Variants in XIRP2 observed in about 807,000 individuals in gnomAD.
The protein encoded by XIRP2 is xin actin-binding repeat-containing protein 2.
In XIRP2, 236 loss-of-function variants were observed where a neutral mutation model predicts 277.0. The ratio of observed to expected loss-of-function variants is 0.85; its 90% CI spans 0.77 to 0.95. XIRP2 has a LOEUF of 0.95. Among genes scored for constraint, XIRP2 ranks in the 40% least tolerant of loss-of-function variants. The probability of loss-of-function intolerance (pLI) is 0.00; values close to 1 mark genes in which losing one functional copy is unlikely to be tolerated. For missense variants in XIRP2, 4,640 were observed against 4,157.5 expected (o/e 1.12, Z -3.19); for synonymous variants, 1,490 against 1,416.5 (o/e 1.05, Z -1.17).
chr2:166,920,918 T>G (rs181682563), intron 2 of XIRP2, among the ~76,000 whole-genome samples: 1 of 152,190 alleles, frequency 6.6e-6, no homozygotes, highest in African/African-American at 2.4e-5. Context: ...ACTCTTGGAG[T>G]AAGCTAGTTT....
At chr2:166,971,453 A>G (rs1055810028) in intron 2 of XIRP2, among the ~76,000 whole-genome samples, 8 of 152,072 alleles carry the variant, frequency 5.3e-5, no homozygotes, top group African/African-American at 1.9e-4. Flanking sequence ...AAGCTCAAAT[A>G]TTTTGATTCA....
chr2:167,055,540 G>A (rs1689018312), intron 2 of XIRP2, among the ~76,000 whole-genome samples: 2 of 152,144 alleles, frequency 1.3e-5, no homozygotes, highest in African/African-American at 4.8e-5. Context: ...ACTTGCTGGA[G>A]ATTATCAGAT....
chr2:166,949,093 A>G (rs1214870473), intron 2 of XIRP2, among the ~76,000 whole-genome samples: 1 of 152,014 alleles, frequency 6.6e-6, no homozygotes, highest in Non-Finnish European at 1.5e-5. Context: ...TATGTACTCC[A>G]AGAGAGTCAA....
intron 2 of XIRP2, among the ~76,000 whole-genome samples, chr2:166,911,391 G>T (rs529745500): frequency 4.9e-4 from 74 of 152,260 alleles, no homozygotes; most frequent in African/African-American, 1.7e-3. Flanking sequence ...TTTGAGCTTT[G>T]TTGGTTTAAA....
intron 2 of XIRP2, among the ~76,000 whole-genome samples, chr2:167,056,439 A>T (rs529002210): frequency 2.6e-5 from 4 of 152,256 alleles, no homozygotes; most frequent in African/African-American, 9.6e-5. Flanking sequence ...GTTTAAATTG[A>T]TTGCACGAGA....
chr2:167,013,590 G>T (rs889054545), intron 2 of XIRP2, among the ~76,000 whole-genome samples: 1 of 151,234 alleles, frequency 6.6e-6, no homozygotes, highest in Non-Finnish European at 1.5e-5. Flanking sequence ...ATAATATAAA[G>T]ACTATATATA....
intron 2 of XIRP2, among the ~76,000 whole-genome samples, chr2:166,973,827 G>A (rs1319520862): frequency 6.6e-6 from 1 of 152,136 alleles, no homozygotes; most frequent in African/African-American, 2.4e-5. Context: ...TCTTGAAAAT[G>A]TATTTCTACA....
intron 2 of XIRP2, among the ~76,000 whole-genome samples, chr2:167,007,337 T>C (rs1218401843): frequency 6.6e-6 from 1 of 151,660 alleles, no homozygotes; most frequent in African/African-American, 2.4e-5. Context: ...CAATACATTT[T>C]TTAAATCACT....
Position 167,259,161 on chromosome 2 carries a change from A to T in XIRP2, c.*1344A>T. 1 of 1,613,238 alleles carries T rather than the reference A, an allele frequency of 6.2e-7. No individual in the cohort carries two copies. The highest frequency in any genetic ancestry group is 8.5e-7 in the Non-Finnish European group (1 of 1,179,616). On this transcript the variant is annotated 3_prime_UTR_variant, in exon 11 of 11. Transcript: ENST00000409195. ...CAAATTAAAAATATGCCATGCTTGG[A>T]TTTAAGGGAATTTGGAAAGGATGTT...
At chr2:167,174,927 A>G (rs111734597) in intron 3 of XIRP2, among the ~76,000 whole-genome samples, 15,037 of 152,092 alleles carry the variant, frequency 0.099, 799 homozygotes, top group South Asian at 0.15. Context: ...GTTCTAATTT[A>G]ATTGCACTGT....
chr2:167,090,055 C>A lies in XIRP2; in HGVS notation c.409-45854C>A, dbSNP rs976033278. Among the ~76,000 whole-genome samples, 35 of 152,050 alleles carry A rather than the reference C, an allele frequency of 2.3e-4. 1 individual carries two copies. The highest frequency in any genetic ancestry group is 8.2e-4 in the African/African-American group (34 of 41,448). On this transcript the variant is annotated intron_variant, in intron 2 of 10. Coordinates refer to ENST00000409195, the MANE Select transcript of XIRP2 (RefSeq NM_152381.6). Reference sequence around the variant, plus strand: ...TGTATTCTATAAATCAGATCAAATGCCAACTCAGTGAAGAGGGAAAATTAT... The same window carrying A: ...TGTATTCTATAAATCAGATCAAATGACAACTCAGTGAAGAGGGAAAATTAT...
chr2:167,036,436 T>A (rs1043947962), intron 2 of XIRP2, among the ~76,000 whole-genome samples: 2 of 152,182 alleles, frequency 1.3e-5, no homozygotes, highest in Non-Finnish European at 2.9e-5. Context: ...ACTGCCTCAC[T>A]GGATTTCAGA....
At chr2:167,059,152 G>C (rs1410725714) in intron 2 of XIRP2, among the ~76,000 whole-genome samples, 1 of 139,084 alleles carries the variant, frequency 7.2e-6, no homozygotes, top group African/African-American at 2.8e-5. Context: ...TGTCACCCAG[G>C]CTGGAGTGCA....
chr2:167,163,875 C>T (rs1462753206), intron 3 of XIRP2, among the ~76,000 whole-genome samples: 1 of 152,112 alleles, frequency 6.6e-6, no homozygotes, highest in Non-Finnish European at 1.5e-5. Context: ...GTGTGGATGA[C>T]CACTTGTTCC....
chr2:166,927,915 CGT>C (rs1685233394), intron 2 of XIRP2, among the ~76,000 whole-genome samples: 1 of 152,008 alleles, frequency 6.6e-6, no homozygotes. Context: ...TGGCCCATAG[CGT>C]TCATCTAGCT....
At chr2:166,904,267 T>G (rs914319345) in intron 2 of XIRP2, among the ~76,000 whole-genome samples, 2 of 152,124 alleles carry the variant, frequency 1.3e-5, no homozygotes, top group Non-Finnish European at 2.9e-5. Context: ...TCCATGAGGA[T>G]TTATCAGTAA....
In XIRP2 at chr2:167,249,806, G is replaced by A; in HGVS notation, c.8414G>A (p.Arg2805Lys). ...CTCAAGATGGTTCCCAGGAAGCAAA[G>A]AGAATTTAGCGGATCTGACAGAGGG... ...DKLKMVPRKQ[R>K]EFSGSDRGKL... is the part of the protein sequence containing the mutation. Residue 2805 changes from arginine (R) to lysine (K), a missense_variant, in exon 9 of 11, where the codon AGA (arginine) becomes AAA (lysine). Physicochemically the swap from Arg to Lys is conservative, Grantham distance 26. Coordinates refer to ENST00000409195, the MANE Select transcript of XIRP2 (RefSeq NM_152381.6). 6.2e-7 allele frequency: 1 copy of A among 1,613,386 alleles called. No homozygotes were observed.
chr2:167,075,672 G>A (rs1006115657), intron 2 of XIRP2, among the ~76,000 whole-genome samples: 3 of 151,794 alleles, frequency 2.0e-5, no homozygotes, highest in Non-Finnish European at 2.9e-5. Flanking sequence ...TTTTAGTTTC[G>A]CTCTTGTCAC....
intron 2 of XIRP2, among the ~76,000 whole-genome samples, chr2:166,994,531 G>A (rs1322744426): frequency 6.8e-6 from 1 of 146,270 alleles, no homozygotes; most frequent in Non-Finnish European, 1.5e-5. Flanking sequence ...AATTTAATGT[G>A]TAGGTAAGGC....
Sources: allele counts gnomAD v4.1 joint callset (sites outside exome capture counted in the v4.1 genomes callset), GRCh38; gene constraint gnomAD v4.1.1; transcripts MANE v1.5; gene names NCBI Gene and HGNC (gene_info 2026-07-23, HGNC 2026-07-21).